The following TPD52 variants were observed in gnomAD, a reference collection of about 807,000 sequenced individuals.
TPD52 encodes prostate and colon associated protein.
TPD52 carries 17 observed loss-of-function variants against 31.3 expected under a neutral mutation model. The ratio of observed to expected loss-of-function variants is 0.54; its 90% confidence interval spans 0.37 to 0.82. The LOEUF (loss-of-function observed/expected upper bound fraction) is 0.82, where lower values mean the gene tolerates loss of function less well. Among genes scored for constraint, TPD52 ranks in the 40% least tolerant of loss-of-function variants. The pLI is 0.00. For missense variants in TPD52, 212 were observed against 240.1 expected (o/e 0.88, Z 0.77); for synonymous variants, 83 against 89.6 (o/e 0.93, Z 0.42).
At chr8:80,139,121 T>C (rs906276158) in intron 1 of TPD52, among the ~76,000 whole-genome samples, 1 of 152,280 alleles carries the variant, frequency 6.6e-6, no homozygotes, top group Admixed American at 6.5e-5. Flanking sequence ...ATTTCAACTA[T>C]ATTATTCAAC....
At chr8:80,097,640 T>C (rs967327501) in intron 1 of TPD52, among the ~76,000 whole-genome samples, 6 of 152,238 alleles carry the variant, frequency 3.9e-5, no homozygotes, top group Non-Finnish European at 7.3e-5. Flanking sequence ...CTAAGTTTCC[T>C]GAGGCCTCCC....
At chr8:80,155,083 C>T (rs993706924) in intron 1 of TPD52, among the ~76,000 whole-genome samples, 19 of 151,542 alleles carry the variant, frequency 1.3e-4, no homozygotes, top group Admixed American at 2.0e-4. Context: ...CTGACACCTC[C>T]GCTTCCAGGG....
intron 1 of TPD52, among the ~76,000 whole-genome samples, chr8:80,070,847 A>T (rs1813692750): frequency 6.6e-6 from 1 of 152,238 alleles, no homozygotes; most frequent in African/African-American, 2.4e-5. Flanking sequence ...CTAACCCCTG[A>T]CAACAATGAA....
intron 1 of TPD52, among the ~76,000 whole-genome samples, chr8:80,140,157 C>T (rs369761239): frequency 6.6e-6 from 1 of 152,172 alleles, no homozygotes; most frequent in African/African-American, 2.4e-5. Context: ...GTGGTGAGAA[C>T]GTGAGACCTC....
rs1009126948 is a variant in TPD52, at chr8:80,155,365, A to G, written c.19+16060T>C. ...GAACAGCAAGGAAAGAAATTTACGA[A>G]GAAGATTCAGCAAGTGCAACAATGC... On this transcript the variant is annotated intron_variant, in intron 1 of 7. Transcript: ENST00000518937. Among the ~76,000 whole-genome samples, 5 of 152,128 alleles carry G rather than the reference A, an allele frequency of 3.3e-5. No homozygotes were observed. The East Asian group carries it at 9.6e-4, about 29-fold the overall frequency.
At chr8:80,145,432 A>C (rs569555083) in intron 1 of TPD52, among the ~76,000 whole-genome samples, 1 of 152,216 alleles carries the variant, frequency 6.6e-6, no homozygotes, top group African/African-American at 2.4e-5. Flanking sequence ...GCTACTGAAG[A>C]AGCTAGACTA....
intron 6 of TPD52, among the ~76,000 whole-genome samples, chr8:80,043,357 A>G (rs571335249): frequency 6.6e-6 from 1 of 152,296 alleles, no homozygotes; most frequent in East Asian, 1.9e-4. Context: ...CGCTTTGGAA[A>G]CAGGGTTTCC....
At chr8:80,147,041 C>A (rs561122331) in intron 1 of TPD52, among the ~76,000 whole-genome samples, 19 of 152,122 alleles carry the variant, frequency 1.2e-4, no homozygotes, top group South Asian at 2.1e-4. Context: ...AACAAGCCCT[C>A]TGAGGGTGTG....
At chr8:80,109,420 T>A (rs1373136931) in intron 1 of TPD52, among the ~76,000 whole-genome samples, 3 of 152,156 alleles carry the variant, frequency 2.0e-5, no homozygotes, top group Non-Finnish European at 4.4e-5. Context: ...TATTATTATT[T>A]TTGGAGACGA....
chr8:80,166,129 A>G (rs1400377581), intron 1 of TPD52, among the ~76,000 whole-genome samples: 3 of 152,018 alleles, frequency 2.0e-5, no homozygotes, highest in Non-Finnish European at 2.9e-5. Flanking sequence ...ACCAGCCTGG[A>G]CTACATGATG....
intron 1 of TPD52, among the ~76,000 whole-genome samples, chr8:80,079,867 C>A (rs958431450): frequency 8.6e-5 from 13 of 152,000 alleles, no homozygotes; most frequent in Admixed American, 1.3e-4. Flanking sequence ...GTAAGTTGCT[C>A]TCAATATTCC....
At chr8:80,039,070 A>G (rs1424271190) in intron 7 of TPD52, among the ~76,000 whole-genome samples, 2 of 152,236 alleles carry the variant, frequency 1.3e-5, no homozygotes, top group African/African-American at 4.8e-5. Context: ...GGATGCAAGA[A>G]GCTTATAGTG....
At chr8:80,168,468 T>C (rs1811860188) in intron 1 of TPD52, among the ~76,000 whole-genome samples, 1 of 152,216 alleles carries the variant, frequency 6.6e-6, no homozygotes, top group African/African-American at 2.4e-5. Flanking sequence ...CTATTAAAAG[T>C]TCAACAAATC....
chr8:80,072,812 T>C (rs933211317), intron 1 of TPD52, among the ~76,000 whole-genome samples: 1 of 150,826 alleles, frequency 6.6e-6, no homozygotes, highest in Middle Eastern at 3.2e-3. Flanking sequence ...TATATATATA[T>C]ATAAACTTGG....
intron 1 of TPD52, among the ~76,000 whole-genome samples, chr8:80,075,367 A>G (rs1814416503): frequency 6.6e-6 from 1 of 152,206 alleles, no homozygotes; most frequent in African/African-American, 2.4e-5. Flanking sequence ...TGGGAGCCAC[A>G]TCGGGTGCAA....
At chr8:80,099,415 G>C (rs1806566012) in intron 1 of TPD52, among the ~76,000 whole-genome samples, 1 of 151,934 alleles carries the variant, frequency 6.6e-6, no homozygotes, top group Non-Finnish European at 1.5e-5. Flanking sequence ...GGCCAAGCTA[G>C]AGATGCTGCA....
intron 1 of TPD52, among the ~76,000 whole-genome samples, chr8:80,162,961 A>C (rs547742672): frequency 2.0e-5 from 3 of 151,968 alleles, no homozygotes; most frequent in Non-Finnish European, 4.4e-5. Flanking sequence ...AACAAACAAA[A>C]AAAACGGGAA....
intron 1 of TPD52, among the ~76,000 whole-genome samples, chr8:80,099,597 G>A (rs1444540529): frequency 2.1e-5 from 3 of 143,006 alleles, no homozygotes; most frequent in Non-Finnish European, 4.5e-5. Flanking sequence ...TGCAACCTCC[G>A]CCTCCCAGGT....
chr8:80,064,526 C>A lies in TPD52; in HGVS notation c.87G>T (p.Glu29Asp). The change falls in exon 2 of 8, where the codon GAG (glutamate) becomes GAT (aspartate). Residue 29 changes from glutamate to aspartate, a missense_variant. Glu to Asp is a conservative substitution (Grantham distance 45). Coordinates refer to ENST00000518937, the MANE Select transcript of TPD52 (RefSeq NM_001025253.3). ...CTTCCTGCTCCTCTTCCGAGAGGGT[C>A]TCTGTGGCACTGATCGTGGCAGCAA... ...EDVAATISAT[E>D]TLSEEEQEEL... 1 of 1,614,178 alleles carries A rather than the reference C, an allele frequency of 6.2e-7. No homozygotes were observed. The highest frequency in any genetic ancestry group is 8.5e-7 in the Non-Finnish European group (1 of 1,180,022).
Sources: allele counts gnomAD v4.1 joint callset (sites outside exome capture counted in the v4.1 genomes callset), GRCh38; gene constraint gnomAD v4.1.1; transcripts MANE v1.5; gene names NCBI Gene and HGNC (gene_info 2026-07-23, HGNC 2026-07-21).